NF2: variants seen among roughly 807,000 people sequenced by gnomAD.
NF2 encodes the protein merlin.
NF2 carries 8 observed loss-of-function variants against 83.7 expected under a neutral mutation model. The ratio of observed to expected loss-of-function variants is 0.10; its 90% CI spans 0.06 to 0.17. The LOEUF (loss-of-function observed/expected upper bound fraction) is 0.17. Ranked by LOEUF, NF2 falls within the 10% of genes least tolerant of loss-of-function variation. The pLI, the probability that NF2 is intolerant of heterozygous loss-of-function variation, is 1.00. For synonymous variants in NF2, 266 were observed against 269.6 expected (o/e 0.99, Z 0.13); for missense variants, 533 against 744.4 (o/e 0.72, Z 3.31).
At chr22:29,643,878 C>T (rs1157700357) in intron 4 of NF2, among the ~76,000 whole-genome samples, 3 of 147,926 alleles carry the variant, frequency 2.0e-5, no homozygotes, top group South Asian at 2.2e-4. Context: ...CGGGCAGAGG[C>T]GCCCCTCACC....
In NF2 at chr22:29,661,232, G is replaced by A. The variant is rs2147008265; in HGVS notation, c.703G>A (p.Gly235Arg). The change falls in exon 8 of 16, where the codon GGA (glycine) becomes AGA (arginine). Residue 235 changes from glycine to arginine, a missense_variant. By Grantham distance (125) the Gly-to-Arg change is moderately radical (BLOSUM62 -2). Coordinates refer to ENST00000338641, the MANE Select transcript of NF2 (RefSeq NM_000268.4). ...RNKKGTELLL[G>R]VDALGLHIYD... ...TAAAAAGGGCACAGAGCTGCTGCTT[G>A]GAGTGGATGCCCTGGGGCTTCACAT... is the stretch of plus-strand genomic sequence containing the variant. The A allele has an allele frequency of 6.2e-7, 1 of 1,614,210 alleles. No individual in the cohort carries two copies. The highest frequency in any genetic ancestry group is 8.5e-7 in the Non-Finnish European group (1 of 1,180,040).
At chr22:29,670,404 A>G (rs1427667005) in intron 10 of NF2, among the ~76,000 whole-genome samples, 1 of 152,132 alleles carries the variant, frequency 6.6e-6, no homozygotes, top group East Asian at 1.9e-4. Context: ...GATGGAAATT[A>G]GAGAACAAAT....
rs185799426 is a variant in NF2 at position 29,608,281 on chromosome 22, T to A, written c.114+4169T>A. On this transcript the variant is annotated intron_variant, in intron 1 of 15. Coordinates refer to ENST00000338641, the MANE Select transcript of NF2 (RefSeq NM_000268.4). ...ACTGGGTGAAGAAAGAATTCGTTAA[T>A]TTTTTTTTTCTTTTTGAGACAGAGT... 1.6e-3 allele frequency among the ~76,000 whole-genome samples: 237 copies of A among 148,284 alleles called. 2 individuals are homozygous for A. Among genetic ancestry groups the A allele is most frequent in the South Asian group, 4.5e-3 (21 of 4,652 alleles).
intron 15 of NF2, among the ~76,000 whole-genome samples, chr22:29,682,455 G>C (rs2067163764): frequency 6.6e-6 from 1 of 152,190 alleles, no homozygotes; most frequent in African/African-American, 2.4e-5. Flanking sequence ...CAGGGGATCT[G>C]TTTCTGCCTG....
Position 29,694,730 on chromosome 22 carries a change from C to T in NF2, c.1738-22C>T. 3 of 1,613,176 alleles carry T rather than the reference C, an allele frequency of 1.9e-6. No homozygotes were observed. Among genetic ancestry groups the T allele is most frequent in the Non-Finnish European group, 2.5e-6 (3 of 1,179,552 alleles). On this transcript the variant is annotated intron_variant, in intron 15 of 15. Coordinates refer to ENST00000338641, the MANE Select transcript of NF2 (RefSeq NM_000268.4). This position sits in a 1 kb window ranked among gnomAD's most constrained non-coding sequence, Gnocchi z 4.1. The stretch of plus-strand genomic sequence containing the variant: ...GAGCGGAGGTCTTGTGCCCTCTCAG[C>T]TTCTTCTCTGCTTTCTTACAGCTCA...
chr22:29,606,576 C>T (rs1393503606), intron 1 of NF2, among the ~76,000 whole-genome samples: 1 of 152,206 alleles, frequency 6.6e-6, no homozygotes, highest in Non-Finnish European at 1.5e-5. Context: ...ATTTGCAACA[C>T]AGTGTGGAGA....
At chr22:29,672,795 T>G (rs2066840837) in intron 11 of NF2, among the ~76,000 whole-genome samples, 1 of 151,140 alleles carries the variant, frequency 6.6e-6, no homozygotes. Flanking sequence ...TTTTTTTGTA[T>G]TTTTAGTAGA....
intron 1 of NF2, among the ~76,000 whole-genome samples, chr22:29,635,619 C>T (rs1448747024): frequency 2.0e-5 from 3 of 152,156 alleles, no homozygotes; most frequent in Non-Finnish European, 4.4e-5. Flanking sequence ...TGAACCACCA[C>T]GCCCGGCTGC....
At chr22:29,673,237 C>G in intron 11 of NF2, 32 bp from the exon 12 acceptor site, 1 of 1,550,646 alleles carries the variant, frequency 6.4e-7, no homozygotes, top group Non-Finnish European at 8.7e-7. Context: ...AGCACATGAT[C>G]CCACTTCAGC....
chr22:29,608,043 G>A (rs1382828684), intron 1 of NF2, among the ~76,000 whole-genome samples: 2 of 150,584 alleles, frequency 1.3e-5, no homozygotes, highest in Non-Finnish European at 3.0e-5. Context: ...CGTGGTGGCC[G>A]GCACCTGTAG....
At chr22:29,658,890 C>T (rs1983266199) in intron 7 of NF2, among the ~76,000 whole-genome samples, 1 of 152,026 alleles carries the variant, frequency 6.6e-6, no homozygotes, top group Non-Finnish European at 1.5e-5. Context: ...TGCGATTTGC[C>T]AAAGCATTTC....
At chr22:29,623,905 G>A (rs1033518608) in intron 1 of NF2, among the ~76,000 whole-genome samples, 24 of 152,278 alleles carry the variant, frequency 1.6e-4, no homozygotes, top group African/African-American at 4.3e-4. Context: ...CAGCTTTAGC[G>A]TCTTATTTTA....
intron 4 of NF2, among the ~76,000 whole-genome samples, chr22:29,650,033 A>G (rs991795753): frequency 1.1e-4 from 16 of 152,160 alleles, no homozygotes; most frequent in African/African-American, 3.6e-4. Context: ...CAAACATTAA[A>G]AATTAAAAAT....
At chr22:29,683,865 G>T in intron 15 of NF2, 1 of 1,053,726 alleles carries the variant, frequency 9.5e-7, no homozygotes, top group Non-Finnish European at 1.1e-6. Flanking sequence ...GCATGCCTAG[G>T]CAGTGGAGAG....
chr22:29,643,292 A>ATT (rs1194773468), intron 4 of NF2, among the ~76,000 whole-genome samples: 10,293 of 137,798 alleles, frequency 0.075, 378 homozygotes, highest in African/African-American at 0.082. Flanking sequence ...TACTTGTGTG[A>ATT]TTTTTTTTTT....
At chr22:29,644,789 C>T (rs564259228) in intron 4 of NF2, among the ~76,000 whole-genome samples, 11 of 152,262 alleles carry the variant, frequency 7.2e-5, no homozygotes, top group South Asian at 2.1e-4. Context: ...GGCGTGGTGG[C>T]GCGCGCCTGC....
rs1416009957 is a variant in NF2 at position 29,681,555 on chromosome 22, A to G, written c.1691A>G (p.Glu564Gly). 5 of 1,614,096 alleles carry G rather than the reference A, an allele frequency of 3.1e-6. No individual in the cohort carries two copies. In the East Asian group the frequency reaches 1.1e-4, roughly 36 times the overall value. Residue 564 changes from glutamate (E) to glycine (G), a missense_variant, in exon 15 of 16, where the codon GAG (glutamate) becomes GGG (glycine). Coordinates refer to ENST00000338641, the MANE Select transcript of NF2 (RefSeq NM_000268.4). ...RETALDILHN[E>G]NSDRGGSSKH... ...ACAGCTCTGGATATTCTGCACAATGAGAACTCCGACAGGGGTGGCAGCAGC... is the reference window on the plus strand; with the variant it reads ...ACAGCTCTGGATATTCTGCACAATGGGAACTCCGACAGGGGTGGCAGCAGC...
intron 9 of NF2, among the ~76,000 whole-genome samples, chr22:29,665,791 G>T (rs375113686): frequency 1.3e-5 from 2 of 151,060 alleles, no homozygotes; most frequent in African/African-American, 4.9e-5. Context: ...AAGGAAAAAA[G>T]AAATAGCACA....
chr22:29,620,758 G>A (rs1023073591), intron 1 of NF2, among the ~76,000 whole-genome samples: 5 of 151,786 alleles, frequency 3.3e-5, no homozygotes, highest in Non-Finnish European at 7.4e-5. Context: ...GTCTCCCTAC[G>A]TTGGTTGCTC....
Sources: allele counts gnomAD v4.1 joint callset (sites outside exome capture counted in the v4.1 genomes callset), GRCh38; gene constraint gnomAD v4.1.1; non-coding constraint Gnocchi (gnomAD v3.1); transcripts MANE v1.5; gene names NCBI Gene and HGNC (gene_info 2026-07-23, HGNC 2026-07-21).